PDPR: variants seen among roughly 807,000 people sequenced by gnomAD.
PDPR encodes pyruvate dehydrogenase phosphatase regulatory subunit, mitochondrial.
In PDPR, 50 loss-of-function variants were observed where a neutral mutation model predicts 102.2. The ratio of observed to expected loss-of-function variants is 0.49; its 90% CI spans 0.39 to 0.62. The LOEUF is 0.62. PDPR is among the 20% of genes least tolerant of loss of function. The probability of loss-of-function intolerance (pLI) is 0.00; values close to 1 mark genes in which losing one functional copy is unlikely to be tolerated. For missense variants in PDPR, 625 were observed against 1,098.2 expected, an observed-to-expected ratio of 0.57 and a Z score of 6.09; for synonymous variants, 259 against 406.0, an observed-to-expected ratio of 0.64 and a Z score of 4.35.
chr16:70,150,087 C>A (rs2152116236), intron 17 of PDPR, among the ~76,000 whole-genome samples: 1 of 147,616 alleles, frequency 6.8e-6, no homozygotes, highest in East Asian at 2.1e-4. Flanking sequence ...CCGCACCCGG[C>A]CGGCTTTTTT....
Position 70,148,586 on chromosome 16 carries a change from ACTTCCCTTCCCTTCC to A in PDPR, c.2052+50_2052+64del, listed in dbSNP as rs145754705. ...GGCACCCTTCCCTTCCCTTCCCTTC[ACTTCCCTTCCCTTCC>A]CTTCCCTTCCCTTCCCACAACCACT... On this transcript the variant is annotated intron_variant, in intron 17 of 18. Transcript: ENST00000288050. 5.0e-4 allele frequency: 722 copies of A among 1,444,536 alleles called. 1 individual carries two copies. The African/African-American group carries it at 6.8e-3, about 14-fold the overall frequency. The allele number at this position is 1,444,536 out of a possible 1,614,324, so 89.5% of individuals were successfully genotyped here.
chr16:70,135,368 C>T (rs1248235151), intron 9 of PDPR, among the ~76,000 whole-genome samples: 6 of 152,336 alleles, frequency 3.9e-5, no homozygotes, highest in African/African-American at 9.6e-5. Context: ...TCCCGAGTAG[C>T]TGGGGTTACA....
At chr16:70,127,225 A>C (rs574001022) in intron 3 of PDPR, 35 bp from the exon 4 acceptor site, 1 of 1,561,118 alleles carries the variant, frequency 6.4e-7, no homozygotes, top group African/African-American at 1.4e-5. Context: ...AGATGACGTC[A>C]ATCTACCTAA....
rs970908566 is a variant in PDPR at position 70,156,244 on chromosome 16, A to G, written c.2236-231A>G. Reference sequence around the variant, plus strand: ...TGTGACTTTATGTTTATAAAATAGGAAACAAAATGCGTACCTCTGTTGTTA... The same window carrying G: ...TGTGACTTTATGTTTATAAAATAGGGAACAAAATGCGTACCTCTGTTGTTA... On this transcript the variant is annotated intron_variant, in intron 18 of 18. Transcript: ENST00000288050. 3 of 573,162 alleles carry G rather than the reference A, an allele frequency of 5.2e-6. No homozygotes were observed. The African/African-American group carries it at 5.6e-5, about 11-fold the overall frequency. 35.5% of individuals were successfully genotyped at this position (573,162 alleles called of 1,614,324 possible). A position where few individuals can be genotyped will look rare whatever the true frequency, so the allele number is the denominator to read the frequency against.
At chr16:70,143,928 G>C (rs977290684) in intron 14 of PDPR, among the ~76,000 whole-genome samples, 1 of 150,886 alleles carries the variant, frequency 6.6e-6, no homozygotes, top group African/African-American at 2.4e-5. Flanking sequence ...GTCTCACTTT[G>C]TTACCCAGGC....
At chr16:70,120,804 A>C in intron 3 of PDPR, 85 bp downstream of exon 3, 1 of 873,010 alleles carries the variant, frequency 1.1e-6, no homozygotes. Flanking sequence ...CTGCCCCACC[A>C]GTAGCTAATC....
intron 17 of PDPR, among the ~76,000 whole-genome samples, chr16:70,150,089 G>A (rs1048836885): frequency 3.0e-5 from 4 of 131,652 alleles, no homozygotes; most frequent in Admixed American, 7.8e-5. Context: ...GCACCCGGCC[G>A]GCTTTTTTTT....
At position 70,144,653 on chromosome 16, in the gene PDPR, C is replaced by T. The variant is rs563448441; in HGVS notation, c.1867+120C>T. ...TTAGAGTTAGCATAAAAGAGGCTCT[C>T]TGGTCATAGAAAATTGATCTCTAGG... On this transcript the variant is annotated intron_variant, in intron 15 of 18. Transcript: ENST00000288050. The T allele has an allele frequency of 1.2e-5, 7 of 589,810 alleles. No homozygotes were observed. The Admixed American group carries it at 2.2e-4, about 18-fold the overall frequency. 36.5% of individuals were successfully genotyped at this position (589,810 alleles called of 1,614,324 possible).
chr16:70,140,667 T>A lies in PDPR; in HGVS notation c.1316-1567T>A, dbSNP rs77295621. 2.3e-3 allele frequency among the ~76,000 whole-genome samples: 351 copies of A among 152,180 alleles called. No homozygotes were observed. In the East Asian group the frequency reaches 0.065, roughly 28 times the overall value. The stretch of plus-strand genomic sequence containing the variant: ...TGTCTCTACTAAAAATACAAAAATT[T>A]AGCCAGATGTGGTGGTACGTGCCTG... On this transcript the variant is annotated intron_variant, in intron 11 of 18. Transcript: ENST00000288050.
intron 4 of PDPR, among the ~76,000 whole-genome samples, chr16:70,128,332 A>G (rs1420938089): frequency 1.3e-5 from 2 of 152,198 alleles, no homozygotes; most frequent in African/African-American, 2.4e-5. Flanking sequence ...GGTTCAAGCA[A>G]TTCTCCTGCC....
intron 3 of PDPR, among the ~76,000 whole-genome samples, chr16:70,123,567 T>C (rs1265340521): frequency 2.6e-5 from 4 of 152,256 alleles, no homozygotes; most frequent in Non-Finnish European, 5.9e-5. Flanking sequence ...TCAAAGTCTT[T>C]CTCCTATTTT....
intron 3 of PDPR, among the ~76,000 whole-genome samples, chr16:70,124,965 C>T (rs1179460189): frequency 6.6e-6 from 1 of 152,218 alleles, no homozygotes; most frequent in Non-Finnish European, 1.5e-5. Context: ...GTCTTTGGGC[C>T]CTAGCATTAC....
intron 18 of PDPR, chr16:70,156,270 C>G (rs536655492): frequency 1.6e-6 from 1 of 630,880 alleles, no homozygotes; most frequent in East Asian, 2.9e-5. Context: ...TCTGTTGTTA[C>G]AAAAATTACC....
chr16:70,152,126 T>C (rs775020158), intron 17 of PDPR, among the ~76,000 whole-genome samples: 129 of 152,152 alleles, frequency 8.5e-4, no homozygotes, highest in Non-Finnish European at 1.7e-3. Context: ...CCGCATTCTG[T>C]GGGTCTCCTG....
chr16:70,121,053 G>A (rs1963211914), intron 3 of PDPR, among the ~76,000 whole-genome samples: 1 of 147,822 alleles, frequency 6.8e-6, no homozygotes. Flanking sequence ...GCCTCCCAAA[G>A]TGCTGGGACT....
chr16:70,141,473 A>C (rs1965706161), intron 11 of PDPR, among the ~76,000 whole-genome samples: 1 of 152,284 alleles, frequency 6.6e-6, no homozygotes, highest in Non-Finnish European at 1.5e-5. Context: ...TCACTTCAGA[A>C]GTGAGTTAAT....
chr16:70,160,300 C>A lies in PDPR; in HGVS notation c.*3421C>A. Reference sequence around the variant, plus strand: ...TTGGTACTGAAGCCAGAAAAGCTCTCATTCAGGAACTCTGAAGAGCAAAAA... The same window carrying A: ...TTGGTACTGAAGCCAGAAAAGCTCTAATTCAGGAACTCTGAAGAGCAAAAA... On this transcript the variant is annotated 3_prime_UTR_variant, in exon 19 of 19. Coordinates refer to ENST00000288050, the MANE Select transcript of PDPR (RefSeq NM_017990.5). The A allele has an allele frequency of 6.5e-6, 1 of 152,868 alleles. No individual in the cohort carries two copies. Among genetic ancestry groups the A allele is most frequent in the Non-Finnish European group, 1.5e-5 (1 of 68,366 alleles). 9.5% of individuals were successfully genotyped at this position (152,868 alleles called of 1,614,324 possible).
chr16:70,138,058 T>TG (rs2096435814), intron 10 of PDPR, among the ~76,000 whole-genome samples: 1 of 151,028 alleles, frequency 6.6e-6, no homozygotes. Context: ...TTTTTTTTTT[T>TG]GAAACGAAGT....
intron 3 of PDPR, among the ~76,000 whole-genome samples, chr16:70,121,405 A>T (rs1331405438): frequency 1.2e-4 from 18 of 151,832 alleles, no homozygotes; most frequent in Non-Finnish European, 2.2e-4. Context: ...TCATACAACA[A>T]TATTGGCCGG....
Sources: allele counts gnomAD v4.1 joint callset (sites outside exome capture counted in the v4.1 genomes callset), GRCh38; gene constraint gnomAD v4.1.1; transcripts MANE v1.5; gene names NCBI Gene and HGNC (gene_info 2026-07-23, HGNC 2026-07-21).